The following PKIB variants were observed in gnomAD, a reference collection of about 807,000 sequenced individuals.
PKIB encodes cAMP-dependent protein kinase inhibitor beta.
In PKIB, 2 loss-of-function variants were observed where a neutral mutation model predicts 4.5. That is an observed-to-expected ratio of 0.44 (90% CI 0.18 to 1.39). The LOEUF is 1.39. Among genes scored for constraint, PKIB ranks in the 40% most tolerant of loss-of-function variants. PKIB has a pLI of 0.27. For missense variants in PKIB, 94 were observed against 92.6 expected (o/e 1.02, Z -0.06); for synonymous variants, 38 against 36.0 (o/e 1.06, Z -0.20).
chr6:122,497,165 A>G (rs1357384348), intron 2 of PKIB, among the ~76,000 whole-genome samples: 1 of 152,212 alleles, frequency 6.6e-6, no homozygotes, highest in Non-Finnish European at 1.5e-5. Flanking sequence ...TCTTGTTCAG[A>G]CAAGAAATCA....
At chr6:122,554,377 A>C (rs1164704026) in intron 2 of PKIB, among the ~76,000 whole-genome samples, 2 of 152,222 alleles carry the variant, frequency 1.3e-5, no homozygotes, top group Non-Finnish European at 2.9e-5. Context: ...TTTAGACATT[A>C]TGCAGTTCAA....
chr6:122,508,301 G>T (rs943317471), intron 2 of PKIB, among the ~76,000 whole-genome samples: 1 of 152,184 alleles, frequency 6.6e-6, no homozygotes, highest in African/African-American at 2.4e-5. Context: ...ATGTAGGAAC[G>T]TGGGTGACGT....
At chr6:122,521,916 A>C (rs934491495) in intron 2 of PKIB, among the ~76,000 whole-genome samples, 1 of 152,126 alleles carries the variant, frequency 6.6e-6, no homozygotes, top group African/African-American at 2.4e-5. Context: ...ATGGCTGGCC[A>C]CTACGGTCCT....
intron 2 of PKIB, among the ~76,000 whole-genome samples, chr6:122,486,746 A>G (rs1775777604): frequency 6.6e-6 from 1 of 152,140 alleles, no homozygotes; most frequent in East Asian, 1.9e-4. Flanking sequence ...AGAGTATTTG[A>G]TCACAGTTTG....
chr6:122,481,621 A>G (rs1775610750), intron 2 of PKIB: 1 of 152,210 alleles, frequency 6.6e-6, no homozygotes, highest in Non-Finnish European at 1.5e-5. Context: ...AGTAAAAAGG[A>G]TCATGTTGGA....
intron 2 of PKIB, among the ~76,000 whole-genome samples, chr6:122,636,364 A>G (rs1562279516): frequency 6.6e-6 from 1 of 152,258 alleles, no homozygotes; most frequent in East Asian, 1.9e-4. Context: ...TTAAGTAACT[A>G]TACAAAAGAT....
chr6:122,723,671 T>C (rs1779829431), intron 4 of PKIB, among the ~76,000 whole-genome samples: 1 of 152,138 alleles, frequency 6.6e-6, no homozygotes, highest in South Asian at 2.1e-4. Flanking sequence ...GCTTTGTTTT[T>C]CTCTGTGCTT....
At chr6:122,601,608 T>C (rs1562265727) in intron 3 of PKIB, among the ~76,000 whole-genome samples, 1 of 152,136 alleles carries the variant, frequency 6.6e-6, no homozygotes, top group East Asian at 1.9e-4. Context: ...CTCCTCTTCC[T>C]CTTCCTCCTA....
rs1324635222 is a variant in PKIB, at chr6:122,519,017, T to C, written c.-248+41078T>C. ...GCTATAATACAAGTATGAGCACTTA[T>C]TGGGTTGGAAGAGCCAAATTTGGGG... On this transcript the variant is annotated intron_variant, in intron 2 of 6. Transcript: ENST00000392491. Among the ~76,000 whole-genome samples the C allele has an allele frequency of 2.6e-5, 4 of 152,042 alleles. No homozygotes were observed. In the East Asian group the frequency reaches 5.8e-4, roughly 22 times the overall value.
chr6:122,617,289 A>G (rs1300664369), intron 1 of PKIB, among the ~76,000 whole-genome samples: 2 of 152,142 alleles, frequency 1.3e-5, no homozygotes, highest in Non-Finnish European at 2.9e-5. Context: ...GAGGGGAGCC[A>G]TTTTTATTTA....
intron 3 of PKIB, among the ~76,000 whole-genome samples, chr6:122,597,123 C>A (rs1774203450): frequency 6.6e-6 from 1 of 152,174 alleles, no homozygotes; most frequent in Admixed American, 6.5e-5. Flanking sequence ...AGATTTATTT[C>A]TCATCCTCTG....
intron 2 of PKIB, among the ~76,000 whole-genome samples, chr6:122,567,869 G>T (rs1387213457): frequency 1.3e-5 from 2 of 152,140 alleles, no homozygotes; most frequent in Non-Finnish European, 2.9e-5. Flanking sequence ...CTGTAGTTAG[G>T]AATGTCATTG....
At position 122,705,855 on chromosome 6, in the gene PKIB, C is replaced by T. The variant is rs190025245; in HGVS notation, c.-8-11932C>T. On this transcript the variant is annotated intron_variant, in intron 3 of 4. Transcript: ENST00000368452. ...GCTGGGATTACGGCATGAGCCACTG[C>T]GCCTGGCCAGAAAATGCATCTCATA... Among the ~76,000 whole-genome samples, 202 of 152,228 alleles carry T rather than the reference C, an allele frequency of 1.3e-3. 2 individuals are homozygous for T. Among genetic ancestry groups the T allele is most frequent in the Non-Finnish European group, 6.2e-4 (42 of 68,004 alleles).
chr6:122,666,788 G>A (rs1203606131), intron 2 of PKIB, among the ~76,000 whole-genome samples: 4 of 152,180 alleles, frequency 2.6e-5, no homozygotes, highest in Admixed American at 2.6e-4. Flanking sequence ...GACAAAGTCT[G>A]AAAAGTATAT....
chr6:122,697,149 G>A, intron 3 of PKIB, among the ~76,000 whole-genome samples: 1 of 152,090 alleles, frequency 6.6e-6, no homozygotes, highest in East Asian at 1.9e-4. Context: ...CCCAGTTCTT[G>A]TGGAATGATG....
chr6:122,676,639 A>G (rs1023765048), intron 3 of PKIB, among the ~76,000 whole-genome samples: 1 of 152,164 alleles, frequency 6.6e-6, no homozygotes, highest in Admixed American at 6.5e-5. Flanking sequence ...TTAGTAGTTA[A>G]CAGTCACTTT....
Position 122,505,144 on chromosome 6 carries a change from G to A in PKIB, c.-248+27205G>A, listed in dbSNP as rs376604638. On this transcript the variant is annotated intron_variant, in intron 2 of 6. Transcript: ENST00000392491. ...TGTGTTCAAACAGTGTATCTTTATC[G>A]GAGAGTAGTTGGTGGGAGTGGGCTT... Among the ~76,000 whole-genome samples the A allele has an allele frequency of 3.5e-4, 54 of 152,296 alleles. 1 individual carries two copies. The highest frequency in any genetic ancestry group is 1.3e-3 in the African/African-American group (52 of 41,560).
intron 3 of PKIB, among the ~76,000 whole-genome samples, chr6:122,593,484 T>TC (rs1774076330): frequency 6.6e-6 from 1 of 152,202 alleles, no homozygotes; most frequent in South Asian, 2.1e-4. Flanking sequence ...TTTTTATTTG[T>TC]CCCTCTCCTT....
intron 1 of PKIB, among the ~76,000 whole-genome samples, chr6:122,618,651 C>T (rs1775091082): frequency 6.6e-6 from 1 of 152,020 alleles, no homozygotes; most frequent in African/African-American, 2.4e-5. Flanking sequence ...CTGTTTCCCA[C>T]TTAATAAATC....
Sources: allele counts gnomAD v4.1 joint callset (sites outside exome capture counted in the v4.1 genomes callset), GRCh38; gene constraint gnomAD v4.1.1; transcripts MANE v1.5; gene names NCBI Gene and HGNC (gene_info 2026-07-23, HGNC 2026-07-21).